Variants in AHCYL2 observed in about 807,000 individuals in gnomAD.
AHCYL2 encodes adenosylhomocysteinase like 2, also known as S-adenosylhomocysteine hydrolase-like protein 2.
In AHCYL2, 28 loss-of-function variants were observed where a neutral mutation model predicts 81.4. That is an observed-to-expected ratio of 0.34 (90% confidence interval 0.25 to 0.47). The LOEUF (loss-of-function observed/expected upper bound fraction) is 0.47, where lower values mean the gene tolerates loss of function less well. Ranked by LOEUF, AHCYL2 falls within the 20% of genes least tolerant of loss-of-function variation. The pLI is 1.00. For synonymous variants in AHCYL2, 272 were observed against 290.2 expected (o/e 0.94, Z 0.64); for missense variants, 551 against 785.1 (o/e 0.70, Z 3.56).
At chr7:129,261,084 C>G (rs1294991656) in intron 1 of AHCYL2, among the ~76,000 whole-genome samples, 2 of 152,216 alleles carry the variant, frequency 1.3e-5, no homozygotes, top group Non-Finnish European at 2.9e-5. Context: ...GCCACCGTAC[C>G]TGGCCTGAAA....
rs776348538 is a variant in AHCYL2, at chr7:129,400,284, T to TC, written c.824-3dup. The TC allele has an allele frequency of 3.7e-6, 6 of 1,613,304 alleles. No individual in the cohort carries two copies. Among genetic ancestry groups the TC allele is most frequent in the Non-Finnish European group, 5.1e-6 (6 of 1,179,420 alleles). ...AATGGTTTCCCTTTGTTCCTTTTTT[T>TC]CCCAGGATTTCCTGTTTTTGCCTGG... On this transcript the variant is annotated splice_polypyrimidine_tract_variant and splice_region_variant and intron_variant, in intron 5 of 16. Transcript: ENST00000325006.
intron 11 of AHCYL2, among the ~76,000 whole-genome samples, chr7:129,411,685 G>A (rs540692881): frequency 6.6e-6 from 1 of 150,990 alleles, no homozygotes; most frequent in South Asian, 2.1e-4. Flanking sequence ...CTTGAACCTG[G>A]AAGGTGGAGG....
intron 1 of AHCYL2, among the ~76,000 whole-genome samples, chr7:129,369,038 TC>T (rs1161517857): frequency 1.3e-5 from 2 of 152,024 alleles, no homozygotes; most frequent in African/African-American, 4.8e-5. Flanking sequence ...TTTCCCTATT[TC>T]CCCCCCAGCT....
At chr7:129,370,653 G>C (rs1020772512) in intron 1 of AHCYL2, among the ~76,000 whole-genome samples, 16 of 152,166 alleles carry the variant, frequency 1.1e-4, no homozygotes, top group East Asian at 1.9e-4. Flanking sequence ...AGCTGAGATC[G>C]CGCCACTGCA....
At chr7:129,382,486 G>T (rs1042389784) in intron 2 of AHCYL2, among the ~76,000 whole-genome samples, 3 of 152,152 alleles carry the variant, frequency 2.0e-5, no homozygotes, top group Non-Finnish European at 2.9e-5. Context: ...TGTAATCCCA[G>T]CTACTCCGGA....
intron 1 of AHCYL2, among the ~76,000 whole-genome samples, chr7:129,275,531 G>T (rs1256679266): frequency 6.6e-6 from 1 of 152,122 alleles, no homozygotes; most frequent in Non-Finnish European, 1.5e-5. Flanking sequence ...TAAAGATATG[G>T]AAAAATCTAT....
intron 1 of AHCYL2, among the ~76,000 whole-genome samples, chr7:129,366,143 T>A (rs1794106155): frequency 1.3e-5 from 2 of 152,146 alleles, no homozygotes; most frequent in Non-Finnish European, 2.9e-5. Context: ...ATCACTCAAG[T>A]CGCCTCAACT....
chr7:129,271,887 C>G (rs1286835516), intron 1 of AHCYL2, among the ~76,000 whole-genome samples: 1 of 152,144 alleles, frequency 6.6e-6, no homozygotes, highest in African/African-American at 2.4e-5. Context: ...AGCATGTTTT[C>G]AAGATGGCTG....
chr7:129,329,267 C>T (rs921394530), intron 1 of AHCYL2, among the ~76,000 whole-genome samples: 76 of 152,194 alleles, frequency 5.0e-4, no homozygotes, highest in Admixed American at 4.8e-3. Flanking sequence ...GTAGCCTCCA[C>T]CTCCTGGGCT....
chr7:129,238,046 A>T (rs971164100), intron 1 of AHCYL2, among the ~76,000 whole-genome samples: 2 of 152,146 alleles, frequency 1.3e-5, no homozygotes, highest in African/African-American at 4.8e-5. Flanking sequence ...AGGCCTTGTC[A>T]GGAATTGAGT....
At chr7:129,281,637 C>T (rs1222598105) in intron 1 of AHCYL2, among the ~76,000 whole-genome samples, 1 of 151,842 alleles carries the variant, frequency 6.6e-6, no homozygotes, top group Non-Finnish European at 1.5e-5. Flanking sequence ...GCTGGGACTA[C>T]ATGCCTGGCA....
At position 129,268,070 on chromosome 7, in the gene AHCYL2, A is replaced by G. The variant is rs1795880044; in HGVS notation, c.363+42631A>G. On this transcript the variant is annotated intron_variant, in intron 1 of 16. Coordinates refer to ENST00000325006, the MANE Select transcript of AHCYL2 (RefSeq NM_015328.4). ...TGCTATTTTAGTTCACTCCCTTTTT[A>G]CTCCTAGTTCTACTAGGAGTAAACG... 2.0e-5 allele frequency among the ~76,000 whole-genome samples: 3 copies of G among 152,122 alleles called. No homozygotes were observed. The South Asian group carries it at 6.2e-4, about 31-fold the overall frequency.
chr7:129,337,852 T>C (rs143362981), intron 1 of AHCYL2, among the ~76,000 whole-genome samples: 2,230 of 152,350 alleles, frequency 0.015, 33 homozygotes, highest in Middle Eastern at 0.027. Flanking sequence ...CAAGCGATTC[T>C]TCTGCCTCAG....
intron 1 of AHCYL2, among the ~76,000 whole-genome samples, chr7:129,282,860 G>A (rs1176545446): frequency 6.6e-6 from 1 of 151,938 alleles, no homozygotes; most frequent in Non-Finnish European, 1.5e-5. Context: ...AGAGAGAAGA[G>A]GGGGAGAAAA....
chr7:129,317,806 A>C (rs1797877695), intron 1 of AHCYL2, among the ~76,000 whole-genome samples: 1 of 152,210 alleles, frequency 6.6e-6, no homozygotes, highest in Non-Finnish European at 1.5e-5. Flanking sequence ...GACAAGGTTC[A>C]CCAAGTTTTA....
At chr7:129,398,447 C>T (rs538561243) in intron 5 of AHCYL2, among the ~76,000 whole-genome samples, 119 of 150,990 alleles carry the variant, frequency 7.9e-4, no homozygotes, top group African/African-American at 2.7e-3. Context: ...GGCATGATCT[C>T]GGCTCACTGA....
rs191718734 is a variant in AHCYL2 at position 129,304,517 on chromosome 7, T to C, written c.364-75121T>C. 1.7e-3 allele frequency among the ~76,000 whole-genome samples: 257 copies of C among 152,346 alleles called. 1 individual carries two copies. Among genetic ancestry groups the C allele is most frequent in the Admixed American group, 5.4e-3 (82 of 15,306 alleles). On this transcript the variant is annotated intron_variant, in intron 1 of 16. Coordinates refer to ENST00000325006, the MANE Select transcript of AHCYL2 (RefSeq NM_015328.4). Reference sequence around the variant, plus strand: ...AGCTAGCTATTGTTTTGGAGTCTTATCTATTTAGCTCTAATAATACTTCCT... The same window carrying C: ...AGCTAGCTATTGTTTTGGAGTCTTACCTATTTAGCTCTAATAATACTTCCT...
intron 1 of AHCYL2, among the ~76,000 whole-genome samples, chr7:129,345,306 T>C (rs1172449214): frequency 1.3e-5 from 2 of 152,190 alleles, no homozygotes; most frequent in African/African-American, 2.4e-5. Flanking sequence ...CACCTGAAGG[T>C]GAAGAAGTTG....
At position 129,336,907 on chromosome 7, in the gene AHCYL2, TG is replaced by T. The variant is rs1169637929; in HGVS notation, c.364-42729del. On this transcript the variant is annotated intron_variant, in intron 1 of 16. Coordinates refer to ENST00000325006, the MANE Select transcript of AHCYL2 (RefSeq NM_015328.4). ...GACTGCAAGCGCAAGCCACCGTGCC[TG>T]GCTAATTTTTAATTTTTTGTAAAGA... Among the ~76,000 whole-genome samples, 9 of 152,242 alleles carry T rather than the reference TG, an allele frequency of 5.9e-5. No homozygotes were observed. The East Asian group carries it at 1.7e-3, about 29-fold the overall frequency.
Sources: gnomAD v4.1 joint callset for allele counts (sites outside exome capture counted in the v4.1 genomes callset) on GRCh38, gnomAD v4.1.1 for gene constraint, MANE v1.5 for transcripts, NCBI Gene and HGNC (gene_info 2026-07-23, HGNC 2026-07-21) for gene names.